Variants in CHL1 observed in about 807,000 individuals in gnomAD.
The protein encoded by CHL1 is neural cell adhesion molecule L1-like protein.
In CHL1, 96 loss-of-function variants were observed where a neutral mutation model predicts 141.9. The observed-to-expected ratio is 0.68, with a 90% CI of 0.57 to 0.80. The LOEUF is 0.80. CHL1 is among the 30% of genes least tolerant of loss of function. The pLI is 0.00. For missense variants in CHL1, 1,820 were observed against 1,457.2 expected (o/e 1.25, Z -4.05); for synonymous variants, 613 against 502.2 (o/e 1.22, Z -2.95).
chr3:346,771 T>C (rs1433473515), intron 9 of CHL1, among the ~76,000 whole-genome samples: 1 of 152,090 alleles, frequency 6.6e-6, no homozygotes, highest in Non-Finnish European at 1.5e-5. Flanking sequence ...TTTTAAAAAG[T>C]TTTTTGGGTC....
chr3:206,242 T>C (rs1385512535), intron 1 of CHL1, among the ~76,000 whole-genome samples: 1 of 150,966 alleles, frequency 6.6e-6, no homozygotes, highest in Non-Finnish European at 1.5e-5. Context: ...CTGAGACGGG[T>C]GGATCACTTG....
chr3:317,654 GAAA>G (rs35799872), intron 2 of CHL1, among the ~76,000 whole-genome samples: 1 of 132,534 alleles, frequency 7.5e-6, no homozygotes. Context: ...AACTGTTTCA[GAAA>G]AAAAAAAAAA....
intron 2 of CHL1, chr3:308,725 T>G (rs927740103): frequency 1.3e-5 from 2 of 152,452 alleles, no homozygotes; most frequent in Non-Finnish European, 2.9e-5. Flanking sequence ...GGTTTGCCTC[T>G]CCAGACCTTG....
intron 3 of CHL1, among the ~76,000 whole-genome samples, chr3:322,763 G>A (rs574984510): frequency 5.2e-4 from 77 of 149,482 alleles, no homozygotes; most frequent in South Asian, 2.1e-3. Flanking sequence ...AGGATCATTT[G>A]AGCCCAGGAG....
intron 2 of CHL1, among the ~76,000 whole-genome samples, chr3:266,563 T>C (rs1391013690): frequency 6.6e-6 from 1 of 152,182 alleles, no homozygotes; most frequent in African/African-American, 2.4e-5. Context: ...AACGTGAAGC[T>C]CCAGTTTTGG....
chr3:366,009 G>A lies in CHL1; in HGVS notation c.1645G>A (p.Glu549Lys). 6.2e-7 allele frequency: 1 copy of A among 1,613,436 alleles called. No individual in the cohort carries two copies. The highest frequency in any genetic ancestry group is 8.5e-7 in the Non-Finnish European group (1 of 1,179,454). Residue 549 changes from glutamate (E) to lysine (K), a missense_variant, in exon 15 of 28, where the codon GAA (glutamate) becomes AAA (lysine). Glu to Lys is a moderately conservative substitution (Grantham distance 56, BLOSUM62 1). Transcript: ENST00000256509. ...NPRIPKLHML[E>K]LHCESKCDSH... ...TCGTATCCCCAAATTGCATATGCTT[G>A]AATTACATTGTGAAAGCAAATGTGA...
chr3:209,390 A>G (rs1699707897), intron 1 of CHL1, among the ~76,000 whole-genome samples: 1 of 152,226 alleles, frequency 6.6e-6, no homozygotes, highest in African/African-American at 2.4e-5. Flanking sequence ...CAACTCAGAA[A>G]TGACTATATG....
chr3:249,749 G>C (rs1453871602), intron 2 of CHL1, among the ~76,000 whole-genome samples: 1 of 152,018 alleles, frequency 6.6e-6, no homozygotes, highest in African/African-American at 2.4e-5. Context: ...CACAGACTTT[G>C]GTCCATGGTA....
chr3:337,414 T>C (rs1292720878), intron 5 of CHL1, among the ~76,000 whole-genome samples: 8 of 151,988 alleles, frequency 5.3e-5, no homozygotes, highest in Admixed American at 6.6e-5. Context: ...ATGTGCACAA[T>C]GTGCAGGTTA....
At chr3:364,483 C>G (rs1704619113) in intron 14 of CHL1, among the ~76,000 whole-genome samples, 1 of 152,194 alleles carries the variant, frequency 6.6e-6, no homozygotes, top group African/African-American at 2.4e-5. Flanking sequence ...GAACTTTGCA[C>G]TCCTATTGCC....
chr3:198,087 G>A (rs1038802833), intron 1 of CHL1: 28 of 290,104 alleles, frequency 9.7e-5, no homozygotes, highest in Middle Eastern at 1.4e-3. Flanking sequence ...AGCCGCGCGG[G>A]CCCAGGTACC....
Position 371,513 on chromosome 3 carries a change from TG to T in CHL1, c.1751+5401del, listed in dbSNP as rs1156864923. Among the ~76,000 whole-genome samples, 3 of 152,330 alleles carry T rather than the reference TG, an allele frequency of 2.0e-5. No individual in the cohort carries two copies. In the East Asian group the frequency reaches 5.8e-4, roughly 29 times the overall value. ...TCTATGTGTGTCTTTGCATGTGAGATGGGTCTCCTGAATACAGCACACAGAT... is the reference window on the plus strand; with the variant it reads ...TCTATGTGTGTCTTTGCATGTGAGATGGTCTCCTGAATACAGCACACAGAT... On this transcript the variant is annotated intron_variant, in intron 15 of 27. Coordinates refer to ENST00000256509, the MANE Select transcript of CHL1 (RefSeq NM_006614.4).
At chr3:254,007 G>T (rs13314498) in intron 2 of CHL1, among the ~76,000 whole-genome samples, 3 of 152,088 alleles carry the variant, frequency 2.0e-5, no homozygotes, top group African/African-American at 7.2e-5. Flanking sequence ...ACAAATGGAG[G>T]GACAAAGAGC....
intron 15 of CHL1, among the ~76,000 whole-genome samples, chr3:371,219 T>C (rs1214906589): frequency 2.0e-5 from 3 of 152,206 alleles, no homozygotes; most frequent in African/African-American, 7.2e-5. Context: ...AGTCTCCCAC[T>C]ATTATTGTGT....
chr3:303,816 A>C (rs1031618004), intron 2 of CHL1, among the ~76,000 whole-genome samples: 1 of 152,112 alleles, frequency 6.6e-6, no homozygotes, highest in African/African-American at 2.4e-5. Context: ...TTTCAAAGGG[A>C]ATGCTTCCAG....
At chr3:343,697 A>T (rs1559285192) in intron 8 of CHL1, among the ~76,000 whole-genome samples, 1 of 152,294 alleles carries the variant, frequency 6.6e-6, no homozygotes, top group East Asian at 1.9e-4. Flanking sequence ...GATAACTTAG[A>T]TACCTTGCAT....
At chr3:307,485 A>T (rs1699345571) in intron 2 of CHL1, among the ~76,000 whole-genome samples, 6 of 152,320 alleles carry the variant, frequency 3.9e-5, no homozygotes, top group Admixed American at 2.6e-4. Context: ...TACATTTTCG[A>T]TTGGAGTCAT....
chr3:390,048 C>T (rs1259237475), intron 20 of CHL1, among the ~76,000 whole-genome samples: 1 of 152,162 alleles, frequency 6.6e-6, no homozygotes. Flanking sequence ...ATTCTCATTG[C>T]CTTTCCAGCA....
chr3:201,675 G>A (rs1030600239), intron 1 of CHL1, among the ~76,000 whole-genome samples: 8 of 152,188 alleles, frequency 5.3e-5, no homozygotes, highest in African/African-American at 1.7e-4. Flanking sequence ...GATGCTGGCA[G>A]ATGATGATAA....
Sources: allele counts gnomAD v4.1 joint callset (sites outside exome capture counted in the v4.1 genomes callset), GRCh38; gene constraint gnomAD v4.1.1; transcripts MANE v1.5; gene names NCBI Gene and HGNC (gene_info 2026-07-23, HGNC 2026-07-21).